COL25A1: variants seen among roughly 807,000 people sequenced by gnomAD.
COL25A1 encodes collagen alpha-1(XXV) chain.
COL25A1 carries 103 observed loss-of-function variants against 128.4 expected under a neutral mutation model. The ratio of observed to expected loss-of-function variants is 0.80; its 90% CI spans 0.68 to 0.94. COL25A1 has a LOEUF of 0.94. Ranked by LOEUF, COL25A1 falls within the 40% of genes least tolerant of loss-of-function variation. The pLI, the probability that COL25A1 is intolerant of heterozygous loss-of-function variation, is 0.00. For missense variants in COL25A1, 745 were observed against 840.0 expected (o/e 0.89, Z 1.40); for synonymous variants, 279 against 277.2 (o/e 1.01, Z -0.06).
At chr4:108,914,305 C>T (rs576375165) in intron 13 of COL25A1, among the ~76,000 whole-genome samples, 4 of 152,234 alleles carry the variant, frequency 2.6e-5, no homozygotes, top group Admixed American at 2.0e-4. Context: ...AATGAAGTCC[C>T]TTTGAATGCA....
rs763558516 is a variant in COL25A1 at position 108,845,247 on chromosome 4, G to A, written c.1520C>T (p.Ala507Val). Residue 507 changes from alanine to valine, a missense_variant, in exon 29 of 38, where the codon GCC (alanine) becomes GTC (valine). Physicochemically the swap from Ala to Val is moderately conservative, Grantham distance 64 (BLOSUM62 0). Transcript: ENST00000399132. Reference protein sequence around the residue: ...GGIGLPGLPGANGMKGEKGDS... With the variant: ...GGIGLPGLPGVNGMKGEKGDS... ...TCCTTTTTCTCCTTTCATTCCATTG[G>A]CTCCCTATAAATAACCATTAAGCAG... 6.2e-7 allele frequency: 1 copy of A among 1,613,004 alleles called. No homozygotes were observed. Among genetic ancestry groups the A allele is most frequent in the Non-Finnish European group, 8.5e-7 (1 of 1,179,024 alleles).
intron 19 of COL25A1, among the ~76,000 whole-genome samples, chr4:108,880,156 T>C (rs571519678): frequency 3.3e-5 from 5 of 152,330 alleles, no homozygotes; most frequent in Admixed American, 6.5e-5. Context: ...TAACATTGAC[T>C]GGAGCCTGGA....
intron 5 of COL25A1, 57 bp from the exon 6 acceptor site, chr4:109,010,432 T>C (rs1349318488): frequency 2.4e-6 from 3 of 1,245,210 alleles, no homozygotes; most frequent in Middle Eastern, 5.4e-4. Context: ...AGTGAATATT[T>C]TCACTACCAA....
chr4:108,859,941 G>A (rs879608149), intron 23 of COL25A1, among the ~76,000 whole-genome samples: 1 of 152,020 alleles, frequency 6.6e-6, no homozygotes, highest in Admixed American at 6.5e-5. Context: ...CCTGTCTTTG[G>A]TAGGTTCAAT....
chr4:108,951,835 TGG>T (rs1247165505), intron 8 of COL25A1, among the ~76,000 whole-genome samples: 1 of 152,244 alleles, frequency 6.6e-6, no homozygotes, highest in Non-Finnish European at 1.5e-5. Context: ...TAGAATTTGA[TGG>T]TTTGATTACA....
intron 3 of COL25A1, among the ~76,000 whole-genome samples, chr4:109,244,167 T>TC (rs397732733): frequency 1.0e-4 from 15 of 150,692 alleles, no homozygotes; most frequent in African/African-American, 2.9e-4. Flanking sequence ...ATGGTTTTTT[T>TC]CATCATGAAA....
At chr4:109,274,641 T>C (rs1782418188) in intron 3 of COL25A1, among the ~76,000 whole-genome samples, 2 of 152,232 alleles carry the variant, frequency 1.3e-5, no homozygotes, top group Admixed American at 1.3e-4. Context: ...TAAGAATTCA[T>C]AGAAATATGC....
chr4:108,821,206 C>T (rs1438998994), intron 35 of COL25A1, among the ~76,000 whole-genome samples: 1 of 152,032 alleles, frequency 6.6e-6, no homozygotes, highest in African/African-American at 2.4e-5. Context: ...TCCTGTGTGC[C>T]AAAAAGATTG....
At chr4:109,161,958 C>T (rs192060103) in intron 3 of COL25A1, among the ~76,000 whole-genome samples, 69 of 152,278 alleles carry the variant, frequency 4.5e-4, no homozygotes, top group African/African-American at 1.2e-3. Context: ...CATTCGGCAG[C>T]GCACTGAACT....
chr4:109,019,496 T>C (rs1351606350), intron 5 of COL25A1, among the ~76,000 whole-genome samples: 1 of 151,352 alleles, frequency 6.6e-6, no homozygotes, highest in African/African-American at 2.4e-5. Flanking sequence ...CAGTTCCACA[T>C]AGCTGGGGAG....
chr4:109,240,557 G>C (rs1400488950), intron 3 of COL25A1, among the ~76,000 whole-genome samples: 1 of 152,038 alleles, frequency 6.6e-6, no homozygotes, highest in Non-Finnish European at 1.5e-5. Context: ...TGCACCTCCA[G>C]CCCTGTGCTC....
intron 17 of COL25A1, 69 bp from the exon 18 acceptor site, chr4:108,889,325 G>A: frequency 6.7e-7 from 1 of 1,495,638 alleles, no homozygotes; most frequent in South Asian, 1.1e-5. Flanking sequence ...TAGACCTCTG[G>A]GCACCATCAC....
intron 3 of COL25A1, among the ~76,000 whole-genome samples, chr4:109,090,884 T>C (rs1302058475): frequency 1.3e-5 from 2 of 152,136 alleles, no homozygotes; most frequent in African/African-American, 4.8e-5. Flanking sequence ...GTTGCTAACA[T>C]TTATAGCCTG....
chr4:109,083,448 A>AAATTTTTTTT (rs377354398), intron 3 of COL25A1, among the ~76,000 whole-genome samples: 15 of 77,008 alleles, frequency 1.9e-4, no homozygotes, highest in African/African-American at 5.3e-4. Flanking sequence ...CACTAAATAA[A>AAATTTTTTTT]TTTTTTTTTT....
At chr4:109,058,800 T>C (rs1276004135) in intron 3 of COL25A1, among the ~76,000 whole-genome samples, 1 of 152,220 alleles carries the variant, frequency 6.6e-6, no homozygotes, top group Non-Finnish European at 1.5e-5. Flanking sequence ...GGGTGCTAAA[T>C]TAATCATTTA....
chr4:108,814,335 T>G (rs905956490), intron 37 of COL25A1, among the ~76,000 whole-genome samples: 13 of 152,206 alleles, frequency 8.5e-5, no homozygotes, highest in African/African-American at 3.1e-4. Context: ...AATACAACTG[T>G]GGAAAGGGCT....
intron 3 of COL25A1, among the ~76,000 whole-genome samples, chr4:109,172,537 GATAATCCATCTTGATT>G (rs983578186): frequency 8.4e-4 from 128 of 152,176 alleles, no homozygotes; most frequent in Middle Eastern, 3.4e-3. Flanking sequence ...CCTGTAGGAC[GATAATCCATCTTGATT>G]ATAATCCATC....
At chr4:108,822,043 A>ATGTTTTTTTTTTTTTTTTTT (rs1731824887) in intron 35 of COL25A1, among the ~76,000 whole-genome samples, 1 of 89,964 alleles carries the variant, frequency 1.1e-5, no homozygotes, top group Non-Finnish European at 2.1e-5. Flanking sequence ...CCTAATGGTA[A>ATGTTTTTTTTTTTTTTTTTT]TTTTTTTTTT....
At position 109,059,209 on chromosome 4, in the gene COL25A1, C is replaced by G. The variant is rs777896656; in HGVS notation, c.368-9030G>C. Among the ~76,000 whole-genome samples the G allele has an allele frequency of 4.9e-4, 74 of 152,168 alleles. 1 individual carries two copies. The highest frequency in any genetic ancestry group is 2.0e-4 in the Admixed American group (3 of 15,278). On this transcript the variant is annotated intron_variant, in intron 3 of 37. Transcript: ENST00000399132. ...TAAGCACTGTACATGCTTGGTCTCA[C>G]TTATTTTTCCTAGTTGTGTGATCTC...
Sources: gnomAD v4.1 joint callset for allele counts (sites outside exome capture counted in the v4.1 genomes callset) on GRCh38, gnomAD v4.1.1 for gene constraint, MANE v1.5 for transcripts, NCBI Gene and HGNC (gene_info 2026-07-23, HGNC 2026-07-21) for gene names.